TXNDC16: variants seen among roughly 807,000 people sequenced by gnomAD.
The protein encoded by TXNDC16 is thioredoxin domain-containing protein 16.
TXNDC16 carries 74 observed loss-of-function variants against 85.6 expected under a neutral mutation model. That is an observed-to-expected ratio of 0.86 (90% confidence interval 0.72 to 1.05). The LOEUF is 1.05. Ranked by LOEUF, TXNDC16 falls within the 50% of genes least tolerant of loss-of-function variation. The pLI is 0.00. For missense variants in TXNDC16, 959 were observed against 947.0 expected (o/e 1.01, Z -0.17); for synonymous variants, 335 against 326.5 (o/e 1.03, Z -0.28).
chr14:52,542,344 A>C, intron 4 of TXNDC16, 27 bp downstream of exon 4: 2 of 1,501,000 alleles, frequency 1.3e-6, no homozygotes, highest in Non-Finnish European at 1.8e-6. Flanking sequence ...CGTCACTAAT[A>C]TTTTAGTAAC....
At chr14:52,539,049 A>G (rs1475181582) in intron 4 of TXNDC16, among the ~76,000 whole-genome samples, 1 of 152,228 alleles carries the variant, frequency 6.6e-6, no homozygotes, top group African/African-American at 2.4e-5. Flanking sequence ...ATATTTGAAC[A>G]TCTACCATGT....
At chr14:52,521,471 C>A (rs1209448191) in intron 6 of TXNDC16, among the ~76,000 whole-genome samples, 1 of 152,084 alleles carries the variant, frequency 6.6e-6, no homozygotes, top group Non-Finnish European at 1.5e-5. Context: ...TAGAAGACAG[C>A]TGGATTTTCA....
intron 5 of TXNDC16, 57 bp downstream of exon 5, chr14:52,537,542 G>T: frequency 8.2e-7 from 1 of 1,213,638 alleles, no homozygotes; most frequent in South Asian, 1.2e-5. Context: ...TTACATATTT[G>T]AATATTCTAG....
intron 18 of TXNDC16, among the ~76,000 whole-genome samples, chr14:52,450,925 AT>A (rs781183626): frequency 2.4e-4 from 37 of 151,510 alleles, no homozygotes; most frequent in Non-Finnish European, 3.1e-4. Context: ...ATACACACAC[AT>A]TGTGGAATAC....
chr14:52,488,072 A>C (rs1291210227), intron 12 of TXNDC16, among the ~76,000 whole-genome samples: 1 of 152,252 alleles, frequency 6.6e-6, no homozygotes, highest in Non-Finnish European at 1.5e-5. Context: ...TTAAACATGG[A>C]CTAGTCCAGA....
Position 52,515,669 on chromosome 14 carries a change from A to ATGTG in TXNDC16, c.515-703_515-700dup, listed in dbSNP as rs57407287. Reference sequence around the variant, plus strand: ...TATCTCAACTCTTTATTTCATACATATGTGTGTGTGTGTGTGTGTGTGTGT... The same window carrying ATGTG: ...TATCTCAACTCTTTATTTCATACATATGTGTGTGTGTGTGTGTGTGTGTGTGTGT... On this transcript the variant is annotated intron_variant, in intron 7 of 20. Coordinates refer to ENST00000281741, the MANE Select transcript of TXNDC16 (RefSeq NM_020784.3). 6.1e-3 allele frequency among the ~76,000 whole-genome samples: 885 copies of ATGTG among 144,310 alleles called. 4 individuals are homozygous for ATGTG. The highest frequency in any genetic ancestry group is 0.014 in the South Asian group (64 of 4,422). 94.7% of individuals were successfully genotyped at this position (144,310 alleles called of 152,430 possible).
intron 11 of TXNDC16, 56 bp downstream of exon 11, chr14:52,490,335 A>G: frequency 1.6e-6 from 2 of 1,252,192 alleles, no homozygotes; most frequent in Non-Finnish European, 1.1e-6. Flanking sequence ...AAGACCACAT[A>G]TATTAGCTTT....
chr14:52,530,346 T>C (rs2037494363), intron 6 of TXNDC16, among the ~76,000 whole-genome samples: 1 of 46,106 alleles, frequency 2.2e-5, no homozygotes, highest in Admixed American at 4.1e-4. Context: ...TATAATTATA[T>C]ATTATAATAT....
rs1466599237 is a variant in TXNDC16, at chr14:52,536,757, G to A, written c.354C>T (p.Thr118=). ...NILLREFPTD[T]LFDVNAIVAH... ...CGACAATGGCATTCACATCAAACAA[G>A]GTGTCAGTAGGGAATTCTCTGAGCA... The change falls in exon 6 of 21, where the codon ACC becomes ACT. Residue 118 remains threonine, a synonymous_variant. Coordinates refer to ENST00000281741, the MANE Select transcript of TXNDC16 (RefSeq NM_020784.3). 6.2e-7 allele frequency: 1 copy of A among 1,611,816 alleles called. No individual in the cohort carries two copies. Among genetic ancestry groups the A allele is most frequent in the South Asian group, 1.1e-5 (1 of 90,702 alleles).
intron 6 of TXNDC16, among the ~76,000 whole-genome samples, chr14:52,529,897 A>G (rs1566581233): frequency 1.9e-5 from 2 of 104,604 alleles, no homozygotes; most frequent in Non-Finnish European, 3.4e-5. Context: ...ATTATATATT[A>G]TATATTATAT....
At chr14:52,441,546 T>C (rs1269022621) in intron 18 of TXNDC16, among the ~76,000 whole-genome samples, 3 of 150,804 alleles carry the variant, frequency 2.0e-5, no homozygotes, top group Non-Finnish European at 4.4e-5. Context: ...GAGAGGGAGG[T>C]TGCAGTGAGC....
chr14:52,489,000 G>C (rs2036341460), intron 11 of TXNDC16, among the ~76,000 whole-genome samples: 2 of 152,034 alleles, frequency 1.3e-5, no homozygotes, highest in East Asian at 3.8e-4. Flanking sequence ...GAAAAAGGTG[G>C]CAAAAAAGGT....
chr14:52,543,490 GGCATGTAAAAAAT>G lies in TXNDC16; in HGVS notation c.55_67del (p.Ile19GlnfsTer3). 2 of 1,613,428 alleles carry G rather than the reference GGCATGTAAAAAAT, an allele frequency of 1.2e-6. No individual in the cohort carries two copies. Among genetic ancestry groups the G allele is most frequent in the Non-Finnish European group, 1.7e-6 (2 of 1,179,648 alleles). The stretch of plus-strand genomic sequence containing the variant: ...CAGTTCTGGTAAAGAGTTTACTGTT[GGCATGTAAAAAAT>G]GCACATTATGACAAAAGAGATCCCA... On this transcript the variant is annotated frameshift_variant, in exon 3 of 21. Coordinates refer to ENST00000281741, the MANE Select transcript of TXNDC16 (RefSeq NM_020784.3). LOFTEE classifies it high-confidence loss of function.
At position 52,519,026 on chromosome 14, in the gene TXNDC16, T is replaced by C. The variant is rs1457300558; in HGVS notation, c.514+146A>G. On this transcript the variant is annotated intron_variant, in intron 7 of 20. Transcript: ENST00000281741. ...TTCAACCACTGTATTACGCTGCCCATTTAAAGAAAAATAGCTTAATAGTAA... is the reference window on the plus strand; with the variant it reads ...TTCAACCACTGTATTACGCTGCCCACTTAAAGAAAAATAGCTTAATAGTAA... 6.3e-6 allele frequency: 5 copies of C among 797,100 alleles called. No homozygotes were observed. The Admixed American group carries it at 1.5e-4, about 24-fold the overall frequency. The allele number at this position is 797,100 out of a possible 1,614,324, so 49.4% of individuals were successfully genotyped here. A position where few individuals can be genotyped will look rare whatever the true frequency, so the allele number is the denominator to read the frequency against.
chr14:52,504,400 A>T (rs2036740308), intron 9 of TXNDC16, among the ~76,000 whole-genome samples: 1 of 152,222 alleles, frequency 6.6e-6, no homozygotes, highest in Admixed American at 6.5e-5. Context: ...GCCAGAAGAG[A>T]GTGGGGGCCA....
chr14:52,549,970 A>G (rs935764106), intron 1 of TXNDC16, among the ~76,000 whole-genome samples: 1 of 152,156 alleles, frequency 6.6e-6, no homozygotes. Flanking sequence ...TTGAAAGACT[A>G]CTGTGCTAGG....
At chr14:52,442,677 T>C (rs1481194937) in intron 18 of TXNDC16, among the ~76,000 whole-genome samples, 1 of 152,170 alleles carries the variant, frequency 6.6e-6, no homozygotes, top group Non-Finnish European at 1.5e-5. Context: ...CTATGCTGTC[T>C]TCTTGTGTTA....
At chr14:52,466,307 T>C (rs887452325) in intron 16 of TXNDC16, among the ~76,000 whole-genome samples, 11 of 132,864 alleles carry the variant, frequency 8.3e-5, no homozygotes, top group African/African-American at 3.2e-4. Context: ...GCAGGAGAAA[T>C]GCCTGAACCT....
chr14:52,499,211 A>G (rs2036600785), intron 9 of TXNDC16, among the ~76,000 whole-genome samples: 1 of 152,176 alleles, frequency 6.6e-6, no homozygotes, highest in African/African-American at 2.4e-5. Flanking sequence ...CCTGAAAGTA[A>G]AACTCCTAAA....
Sources: allele counts gnomAD v4.1 joint callset (sites outside exome capture counted in the v4.1 genomes callset), GRCh38; gene constraint gnomAD v4.1.1; transcripts MANE v1.5; gene names NCBI Gene and HGNC (gene_info 2026-07-23, HGNC 2026-07-21).